The following FBXO15 variants were observed in gnomAD, a reference collection of about 807,000 sequenced individuals.
FBXO15 encodes the protein F-box protein 15.
Under a neutral mutation model 49.5 loss-of-function variants are expected in FBXO15, and 30 were observed. The ratio of observed to expected loss-of-function variants is 0.61; its 90% CI spans 0.45 to 0.82. FBXO15 has a LOEUF of 0.82. Ranked by LOEUF, FBXO15 falls within the 40% of genes least tolerant of loss-of-function variation. The pLI, the probability that FBXO15 is intolerant of heterozygous loss-of-function variation, is 0.00. For synonymous variants in FBXO15, 250 were observed against 232.7 expected, an observed-to-expected ratio of 1.07 and a Z score of -0.68; for missense variants, 591 against 631.5, an observed-to-expected ratio of 0.94 and a Z score of 0.69.
intron 9 of FBXO15, among the ~76,000 whole-genome samples, chr18:74,078,110 TC>T (rs1407028806): frequency 6.6e-6 from 1 of 152,012 alleles, no homozygotes; most frequent in African/African-American, 2.4e-5. Context: ...CCCTAAGCCG[TC>T]GGTGGGTGTC....
intron 8 of FBXO15, chr18:74,097,450 G>A (rs1325603450): frequency 6.6e-6 from 1 of 152,480 alleles, no homozygotes; most frequent in African/African-American, 2.4e-5. Context: ...CAGCCTTTTA[G>A]GTTGCGTGGG....
At chr18:74,079,380 C>G in intron 9 of FBXO15, among the ~76,000 whole-genome samples, 1 of 152,112 alleles carries the variant, frequency 6.6e-6, no homozygotes. Context: ...GAGCAAGCGT[C>G]CTGCATGGAT....
At chr18:74,080,931 A>G (rs545827308) in intron 9 of FBXO15, among the ~76,000 whole-genome samples, 3 of 152,334 alleles carry the variant, frequency 2.0e-5, no homozygotes, top group African/African-American at 7.2e-5. Context: ...CTCAAGGTCT[A>G]TTTTGACGTG....
chr18:74,085,503 G>C (rs1039413962), intron 8 of FBXO15, among the ~76,000 whole-genome samples: 2 of 152,202 alleles, frequency 1.3e-5, no homozygotes, highest in Non-Finnish European at 2.9e-5. Context: ...TGAGGTGGGA[G>C]AATCGCTTGA....
chr18:74,097,730 T>G (rs963197835), intron 8 of FBXO15: 19 of 152,354 alleles, frequency 1.2e-4, no homozygotes, highest in Non-Finnish European at 2.1e-4. Context: ...GGGCCCCACC[T>G]ACCACCTGAT....
chr18:74,132,834 C>G (rs1255686050), intron 3 of FBXO15, among the ~76,000 whole-genome samples: 2 of 152,048 alleles, frequency 1.3e-5, no homozygotes, highest in African/African-American at 4.8e-5. Flanking sequence ...AATAAAACCC[C>G]CTTGTGATAA....
chr18:74,080,962 A>G (rs1912467875), intron 9 of FBXO15, among the ~76,000 whole-genome samples: 1 of 152,142 alleles, frequency 6.6e-6, no homozygotes, highest in African/African-American at 2.4e-5. Context: ...CTTAGTACCT[A>G]CTTTTATTAT....
chr18:74,130,339 T>C (rs1219657858), intron 4 of FBXO15, 77 bp downstream of exon 4: 1 of 1,555,286 alleles, frequency 6.4e-7, no homozygotes, highest in Non-Finnish European at 8.7e-7. Context: ...TCCCACACAA[T>C]CTAAACTGCA....
At chr18:74,114,366 T>G (rs1175923484) in intron 8 of FBXO15, among the ~76,000 whole-genome samples, 2 of 152,240 alleles carry the variant, frequency 1.3e-5, no homozygotes, top group African/African-American at 4.8e-5. Flanking sequence ...TTTCACCCCA[T>G]GCCCTTTTTA....
At position 74,129,411 on chromosome 18, in the gene FBXO15, T is replaced by A; in HGVS notation, c.779A>T (p.Lys260Ile). 6.2e-7 allele frequency: 1 copy of A among 1,613,880 alleles called. No individual in the cohort carries two copies. Among genetic ancestry groups the A allele is most frequent in the Non-Finnish European group, 8.5e-7 (1 of 1,179,858 alleles). ...TCTGCTGATTGGTACTTACCTATGT[T>A]TGGTGGGAGTTTTATACCAGTCGGT... ...VFTDWYKTPT[K>I]HRLRWHSLIA... Residue 260 changes from lysine (K) to isoleucine (I), a missense_variant, in exon 5 of 10, where the codon AAA becomes ATA. Physicochemically the swap from Lys to Ile is moderately radical, Grantham distance 102. Coordinates refer to ENST00000419743, the MANE Select transcript of FBXO15 (RefSeq NM_001142958.2).
chr18:74,099,220 A>G (rs1264290622), intron 8 of FBXO15: 1 of 152,220 alleles, frequency 6.6e-6, no homozygotes, highest in Non-Finnish European at 1.5e-5. Flanking sequence ...GATTAACAAC[A>G]GATTTCTCAG....
intron 8 of FBXO15, among the ~76,000 whole-genome samples, chr18:74,121,057 T>A (rs1204118262): frequency 2.6e-5 from 4 of 152,074 alleles, no homozygotes; most frequent in Admixed American, 2.6e-4. Context: ...GCCAATAAAG[T>A]CAGCAACTTA....
intron 9 of FBXO15, among the ~76,000 whole-genome samples, chr18:74,077,478 C>T (rs181738367): frequency 7.2e-5 from 11 of 152,316 alleles, no homozygotes; most frequent in Middle Eastern, 3.4e-3. Flanking sequence ...GACACCTGAC[C>T]TTGCTCCCTG....
intron 8 of FBXO15, among the ~76,000 whole-genome samples, chr18:74,120,779 T>C (rs950643025): frequency 2.0e-5 from 3 of 150,810 alleles, no homozygotes; most frequent in Admixed American, 6.6e-5. Flanking sequence ...AACAGAAAAT[T>C]ACAACATAAG....
chr18:74,142,623 A>T (rs1213196953), intron 1 of FBXO15, among the ~76,000 whole-genome samples: 1 of 152,092 alleles, frequency 6.6e-6, no homozygotes, highest in Admixed American at 6.5e-5. Context: ...ATCTTCACAG[A>T]GCAATCTTCC....
intron 8 of FBXO15, among the ~76,000 whole-genome samples, chr18:74,114,005 G>A (rs1452803889): frequency 6.6e-6 from 1 of 152,174 alleles, no homozygotes; most frequent in East Asian, 1.9e-4. Flanking sequence ...TTGCCAGCCT[G>A]GCCCTTGGAT....
intron 8 of FBXO15, among the ~76,000 whole-genome samples, chr18:74,101,762 A>C (rs928837306): frequency 2.0e-5 from 3 of 152,216 alleles, no homozygotes; most frequent in Admixed American, 2.0e-4. Context: ...TGGTATAAAA[A>C]TAGGCACATA....
chr18:74,081,775 A>C, intron 9 of FBXO15, 152 bp downstream of exon 9: 3 of 552,266 alleles, frequency 5.4e-6, no homozygotes, highest in South Asian at 3.6e-5. Context: ...GGCTAACAGA[A>C]TGTGCACCAA....
chr18:74,147,418 C>T, intron 1 of FBXO15: 4 of 1,006,138 alleles, frequency 4.0e-6, no homozygotes, highest in Non-Finnish European at 5.0e-6. Flanking sequence ...CAGGTGCGCG[C>T]ATCCCCGGCC....
Sources: allele counts gnomAD v4.1 joint callset (sites outside exome capture counted in the v4.1 genomes callset), GRCh38; gene constraint gnomAD v4.1.1; transcripts MANE v1.5; gene names NCBI Gene and HGNC (gene_info 2026-07-23, HGNC 2026-07-21).